Variants in COL5A3 observed in about 807,000 individuals in gnomAD.
COL5A3 encodes the protein collagen alpha-3(V) chain.
A neutral mutation model predicts 250.0 loss-of-function variants in COL5A3; 172 were observed. The observed-to-expected ratio is 0.69, with a 90% CI of 0.61 to 0.78. The LOEUF is 0.78. COL5A3 is among the 30% of genes least tolerant of loss of function. The pLI is 0.00. For missense variants in COL5A3, 2,340 were observed against 2,334.4 expected (o/e 1.00, Z -0.05); for synonymous variants, 937 against 900.4 (o/e 1.04, Z -0.73).
chr19:9,983,608 G>GAA lies in COL5A3; in HGVS notation c.2407-1491_2407-1490insTT, dbSNP rs1568418887. Among the ~76,000 whole-genome samples, 4 of 100,716 alleles carry GAA rather than the reference G, an allele frequency of 4.0e-5. No individual in the cohort carries two copies. The East Asian group carries it at 8.6e-4, about 22-fold the overall frequency. The allele number at this position is 100,716 out of a possible 152,430, so 66.1% of individuals were successfully genotyped here. On this transcript the variant is annotated intron_variant, in intron 31 of 66. Transcript: ENST00000264828. The stretch of plus-strand genomic sequence containing the variant: ...AGAAAGAAAGAAAGAAAGAGAAAGA[G>GAA]AGAGAGAGAGAAAGAAAGAAAGAAG...
intron 50 of COL5A3, 114 bp downstream of exon 50, chr19:9,973,456 G>C: frequency 9.2e-7 from 1 of 1,082,314 alleles, no homozygotes; most frequent in Non-Finnish European, 1.3e-6. Context: ...GACGGCCACA[G>C]GACAGGGGTG....
At chr19:9,967,306 C>A (rs771889911) in intron 62 of COL5A3, 41 bp downstream of exon 62, 4 of 1,379,008 alleles carry the variant, frequency 2.9e-6, no homozygotes, top group African/African-American at 3.1e-5. Context: ...GCTCTCCCCC[C>A]AGGTTTTGGT....
chr19:9,966,374 A>C lies in COL5A3; in HGVS notation c.4722T>G (p.Val1574=). 1 of 1,610,194 alleles carries C rather than the reference A, an allele frequency of 6.2e-7. No homozygotes were observed. Among genetic ancestry groups the C allele is most frequent in the Non-Finnish European group, 8.5e-7 (1 of 1,177,778 alleles). ...NQGCARDSFR[V]FCNFTAGGET... The stretch of plus-strand genomic sequence containing the variant: ...CTCCTCCCGCCGTGAAGTTGCAAAA[A>C]ACCCTGAACGAGTCCCGCGCGCAGC... The change falls in exon 64 of 67, where the codon GTT becomes GTG. Residue 1574 remains valine, a synonymous_variant. Coordinates refer to ENST00000264828, the MANE Select transcript of COL5A3 (RefSeq NM_015719.4).
chr19:9,998,054 G>A (rs780747316), intron 9 of COL5A3, 29 bp from the exon 10 acceptor site: 17 of 1,613,936 alleles, frequency 1.1e-5, no homozygotes, highest in Middle Eastern at 1.6e-4. Flanking sequence ...GTCGGTGACC[G>A]CTGTCATCAT....
Position 10,003,598 on chromosome 19 carries a change from G to T in COL5A3, c.816C>A (p.Thr272=), listed in dbSNP as rs919054489. The T allele has an allele frequency of 6.8e-6, 11 of 1,614,074 alleles. No individual in the cohort carries two copies. The highest frequency in any genetic ancestry group is 9.3e-6 in the Non-Finnish European group (11 of 1,180,050). ...KGRKKNKEIW[T]SSPPPDSAEN... Reference sequence around the variant, plus strand: ...CTGCGGAGTCAGGAGGTGGACTTGAGGTCCAAATTTCCTTGTTCTTTTTCC... The same window carrying T: ...CTGCGGAGTCAGGAGGTGGACTTGATGTCCAAATTTCCTTGTTCTTTTTCC... The change falls in exon 6 of 67, where the codon ACC becomes ACA. Residue 272 remains threonine (T), a synonymous_variant. Coordinates refer to ENST00000264828, the MANE Select transcript of COL5A3 (RefSeq NM_015719.4).
chr19:9,965,240 C>T (rs1287696832), intron 64 of COL5A3, among the ~76,000 whole-genome samples: 5 of 149,812 alleles, frequency 3.3e-5, no homozygotes, highest in African/African-American at 4.9e-5. Context: ...CTGCAAGCTC[C>T]GCCTTCTGGG....
Position 9,985,956 on chromosome 19 carries a change from G to A in COL5A3, c.2353-61C>T, listed in dbSNP as rs942496307. 25 of 1,518,746 alleles carry A rather than the reference G, an allele frequency of 1.6e-5. No homozygotes were observed. In the African/African-American group the frequency reaches 3.2e-4, roughly 19 times the overall value. The allele number at this position is 1,518,746 out of a possible 1,614,324, so 94.1% of individuals were successfully genotyped here. On this transcript the variant is annotated intron_variant, in intron 30 of 66. Transcript: ENST00000264828. Reference sequence around the variant, plus strand: ...CAACCTGGAGGTCAGAGGCGGAAAGGTCAGGCTGGCTGGGGCATGGTGAAT... The same window carrying A: ...CAACCTGGAGGTCAGAGGCGGAAAGATCAGGCTGGCTGGGGCATGGTGAAT...
chr19:9,962,140 T>G (rs2086683167), intron 65 of COL5A3, among the ~76,000 whole-genome samples: 1 of 151,660 alleles, frequency 6.6e-6, no homozygotes. Context: ...GGAATCTCGC[T>G]CTGTTGCCCA....
chr19:9,962,946 T>C (rs769372839), intron 64 of COL5A3, 59 bp from the exon 65 acceptor site: 52 of 1,266,166 alleles, frequency 4.1e-5, no homozygotes, highest in Non-Finnish European at 5.8e-5. Flanking sequence ...CTAGATCTCA[T>C]CTGCATTTCC....
rs772724326 is a variant in COL5A3, at chr19:9,997,977, G to A, written c.1200+7C>T. 2.5e-6 allele frequency: 4 copies of A among 1,613,982 alleles called. No homozygotes were observed. The highest frequency in any genetic ancestry group is 2.7e-5 in the African/African-American group (2 of 74,998). On this transcript the variant is annotated splice_region_variant and intron_variant, in intron 10 of 66. Coordinates refer to ENST00000264828, the MANE Select transcript of COL5A3 (RefSeq NM_015719.4). ...GACTGGAAGAAGGAAACACAGCCAT[G>A]ACTTACTTGGGGTCCTGGGGCTCCT...
rs867975029 is a variant in COL5A3, at chr19:9,989,053, C to A, written c.2145+71G>T. 7 of 1,506,108 alleles carry A rather than the reference C, an allele frequency of 4.6e-6. No homozygotes were observed. In the Middle Eastern group the frequency reaches 1.2e-3, roughly 255 times the overall value. 93.3% of individuals were successfully genotyped at this position (1,506,108 alleles called of 1,614,324 possible). On this transcript the variant is annotated intron_variant, in intron 27 of 66. Transcript: ENST00000264828. The stretch of plus-strand genomic sequence containing the variant: ...CCCCTCTCCACACATCCAGAAGTTT[C>A]TGATGGAGCTGCATCGCATGCCTGA...
chr19:9,981,352 A>G (rs1274712429), intron 32 of COL5A3, among the ~76,000 whole-genome samples: 1 of 152,246 alleles, frequency 6.6e-6, no homozygotes, highest in African/African-American at 2.4e-5. Flanking sequence ...TACAGAGTAC[A>G]AACGTGCAAG....
chr19:9,978,428 TG>T, intron 41 of COL5A3, 145 bp downstream of exon 41: 1 of 632,952 alleles, frequency 1.6e-6, no homozygotes, highest in East Asian at 3.0e-5. Context: ...TCCACCATGT[TG>T]GCCAGGCTGA....
intron 26 of COL5A3, 47 bp downstream of exon 26, chr19:9,989,275 C>G: frequency 6.2e-7 from 1 of 1,613,036 alleles, no homozygotes; most frequent in Non-Finnish European, 8.5e-7. Flanking sequence ...GCAGGCCCTG[C>G]CTCCCGACCC....
Position 9,973,560 on chromosome 19 carries a change from A to C in COL5A3, c.3666+10T>G, listed in dbSNP as rs2086881051. On this transcript the variant is annotated intron_variant, in intron 50 of 66. Transcript: ENST00000264828. ...GTTGGGTGCAGGGACCACATCACAC[A>C]GTCACTCACCGGGATGCCTGGGGCT... 6 of 1,610,302 alleles carry C rather than the reference A, an allele frequency of 3.7e-6. No homozygotes were observed. The East Asian group carries it at 1.3e-4, about 36-fold the overall frequency.
rs933885665 is a variant in COL5A3 at position 9,969,467 on chromosome 19, G to GA, written c.4099-66dup. On this transcript the variant is annotated intron_variant, in intron 56 of 66. Coordinates refer to ENST00000264828, the MANE Select transcript of COL5A3 (RefSeq NM_015719.4). ...CAGAACACAGTGTGGACCCCCCCCC[G>GA]ACCATGCACCAGGGGCAGCCCCTCC... is the stretch of plus-strand genomic sequence containing the variant. 2.9e-5 allele frequency: 46 copies of GA among 1,578,652 alleles called. No homozygotes were observed. In the Admixed American group the frequency reaches 8.5e-4, roughly 29 times the overall value.
chr19:9,978,629 TGAA>T lies in COL5A3; in HGVS notation c.2965-5_2965-3del. On this transcript the variant is annotated splice_region_variant and splice_polypyrimidine_tract_variant and intron_variant, in intron 40 of 66. Coordinates refer to ENST00000264828, the MANE Select transcript of COL5A3 (RefSeq NM_015719.4). ...ATCACCCTTTAAGCCAGTAGGTCCCTGAAGGAGGAGATAATTCACAGTTAAGAG... is the reference window on the plus strand; with the variant it reads ...ATCACCCTTTAAGCCAGTAGGTCCCTGGAGGAGATAATTCACAGTTAAGAG... 5.1e-6 allele frequency: 8 copies of T among 1,555,688 alleles called. No homozygotes were observed. The highest frequency in any genetic ancestry group is 6.9e-6 in the Non-Finnish European group (8 of 1,153,064).
intron 64 of COL5A3, among the ~76,000 whole-genome samples, chr19:9,963,365 G>A (rs909584560): frequency 6.6e-6 from 1 of 150,574 alleles, no homozygotes; most frequent in African/African-American, 2.5e-5. Context: ...TAGAACTACA[G>A]GCATGTACCC....
At chr19:9,998,712 T>G (rs1000488822) in intron 8 of COL5A3, among the ~76,000 whole-genome samples, 1 of 151,220 alleles carries the variant, frequency 6.6e-6, no homozygotes, top group Non-Finnish European at 1.5e-5. Context: ...TTAAATGGAG[T>G]CTTGCTCTGT....
Sources: gnomAD v4.1 joint callset for allele counts (sites outside exome capture counted in the v4.1 genomes callset) on GRCh38, gnomAD v4.1.1 for gene constraint, MANE v1.5 for transcripts, NCBI Gene and HGNC (gene_info 2026-07-23, HGNC 2026-07-21) for gene names.